The following VEPH1 variants were observed in gnomAD, a reference collection of about 807,000 sequenced individuals.
VEPH1 encodes the protein ventricular zone expressed PH domain containing 1.
In VEPH1, 80 loss-of-function variants were observed where a neutral mutation model predicts 85.2. The ratio of observed to expected loss-of-function variants is 0.94; its 90% confidence interval spans 0.78 to 1.13. The LOEUF (loss-of-function observed/expected upper bound fraction) is 1.13. Among genes scored for constraint, VEPH1 ranks in the 50% most tolerant of loss-of-function variants. The pLI, the probability that VEPH1 is intolerant of heterozygous loss-of-function variation, is 0.00. For synonymous variants in VEPH1, 297 were observed against 348.0 expected (o/e 0.85, Z 1.63); for missense variants, 955 against 980.5 (o/e 0.97, Z 0.35).
At chr3:157,503,132 T>G (rs908013113) in intron 1 of VEPH1, 145 bp downstream of exon 1, 6 of 152,190 alleles carry the variant, frequency 3.9e-5, no homozygotes, top group African/African-American at 9.7e-5. Context: ...CAAATGTGCT[T>G]TATCTGCATA....
At position 157,491,927 on chromosome 3, in the gene VEPH1, G is replaced by A. The variant is rs146136139; in HGVS notation, c.138+3285C>T. Among the ~76,000 whole-genome samples the A allele has an allele frequency of 3.3e-5, 5 of 152,290 alleles. No homozygotes were observed. In the East Asian group the frequency reaches 9.6e-4, roughly 29 times the overall value. On this transcript the variant is annotated intron_variant, in intron 2 of 13. Coordinates refer to ENST00000362010, the MANE Select transcript of VEPH1 (RefSeq NM_001167912.2). The stretch of plus-strand genomic sequence containing the variant: ...AGTAGTTGTTCTAAGCAATTGGTCT[G>A]AGTATTGGGCAATGATAAATTACAA...
chr3:157,400,942 C>T lies in VEPH1; in HGVS notation c.906+12939G>A, dbSNP rs117850766. On this transcript the variant is annotated intron_variant, in intron 6 of 13. Coordinates refer to ENST00000362010, the MANE Select transcript of VEPH1 (RefSeq NM_001167912.2). Reference sequence around the variant, plus strand: ...ACCCAGAATGAATTATACTTAGCCACATTTTCTTCTCCCACCATGCCATAG... The same window carrying T: ...ACCCAGAATGAATTATACTTAGCCATATTTTCTTCTCCCACCATGCCATAG... Among the ~76,000 whole-genome samples, 458 of 152,214 alleles carry T rather than the reference C, an allele frequency of 3.0e-3. 9 individuals are homozygous for T. The East Asian group carries it at 0.044, about 15-fold the overall frequency.
At chr3:157,442,946 C>A (rs576670615) in intron 4 of VEPH1, 1 of 1,613,182 alleles carries the variant, frequency 6.2e-7, no homozygotes, top group Non-Finnish European at 8.5e-7. Context: ...TCACAGAGAT[C>A]CAGCCACATG....
intron 9 of VEPH1, among the ~76,000 whole-genome samples, chr3:157,317,444 A>AT (rs1277959386): frequency 6.6e-6 from 1 of 152,168 alleles, no homozygotes; most frequent in Non-Finnish European, 1.5e-5. Flanking sequence ...AGCAACTCCC[A>AT]TGGGGGGAAA....
intron 6 of VEPH1, among the ~76,000 whole-genome samples, chr3:157,408,596 T>C (rs1731308351): frequency 6.6e-6 from 1 of 152,050 alleles, no homozygotes; most frequent in Non-Finnish European, 1.5e-5. Flanking sequence ...AACCTGCAAA[T>C]TGCAACACGA....
chr3:157,282,886 A>C (rs1418527483), intron 12 of VEPH1, among the ~76,000 whole-genome samples: 1 of 152,228 alleles, frequency 6.6e-6, no homozygotes, highest in Non-Finnish European at 1.5e-5. Context: ...TCTGCAATAA[A>C]CACCACCAGG....
At chr3:157,354,634 A>G (rs984171573) in intron 9 of VEPH1, among the ~76,000 whole-genome samples, 1 of 151,336 alleles carries the variant, frequency 6.6e-6, no homozygotes, top group Admixed American at 6.6e-5. Context: ...CCCCCCTCCA[A>G]CTTGTTTTGT....
intron 7 of VEPH1, among the ~76,000 whole-genome samples, chr3:157,372,217 T>G (rs1204715739): frequency 6.6e-6 from 1 of 152,296 alleles, no homozygotes; most frequent in Non-Finnish European, 1.5e-5. Context: ...TTGATACATC[T>G]TCTCATAGTC....
intron 4 of VEPH1, chr3:157,438,008 G>T: frequency 7.2e-7 from 1 of 1,380,266 alleles, no homozygotes; most frequent in Non-Finnish European, 9.6e-7. Context: ...TCTAGGGGAA[G>T]CTTTCATGGG....
At chr3:157,417,926 A>G (rs1732043274) in intron 5 of VEPH1, among the ~76,000 whole-genome samples, 1 of 152,058 alleles carries the variant, frequency 6.6e-6, no homozygotes, top group South Asian at 2.1e-4. Context: ...CTCAGCCCCC[A>G]TTCCTTGCCC....
chr3:157,311,099 T>C (rs1720061011), intron 11 of VEPH1, among the ~76,000 whole-genome samples: 1 of 152,248 alleles, frequency 6.6e-6, no homozygotes, highest in African/African-American at 2.4e-5. Context: ...GCCAAGCACC[T>C]TGTAGCTCTG....
At chr3:157,357,418 C>T (rs1247812148) in intron 9 of VEPH1, among the ~76,000 whole-genome samples, 2 of 152,098 alleles carry the variant, frequency 1.3e-5, no homozygotes, top group African/African-American at 4.8e-5. Flanking sequence ...ATATTCATCT[C>T]ATCTGTAGAT....
In VEPH1 at chr3:157,470,314, C is replaced by G. The variant is rs2109460175; in HGVS notation, c.354G>C (p.Gln118His). 3 of 1,613,950 alleles carry G rather than the reference C, an allele frequency of 1.9e-6. No homozygotes were observed. Among genetic ancestry groups the G allele is most frequent in the East Asian group, 2.2e-5 (1 of 44,878 alleles). The change falls in exon 3 of 14, where the codon CAG (glutamine) becomes CAC (histidine). Residue 118 changes from glutamine (Q) to histidine (H), a missense_variant and splice_region_variant. By Grantham distance (24) the Gln-to-His change is conservative (BLOSUM62 0). Coordinates refer to ENST00000362010, the MANE Select transcript of VEPH1 (RefSeq NM_001167912.2). The stretch of plus-strand genomic sequence containing the variant: ...AGCCTGATGTTGAACACTGACATAC[C>G]TGTAAAATGCAACTCATGATATCAG... ...IASDIMSCIL[Q>H]NYNRPPVMAL...
chr3:157,326,466 G>T (rs1721918903), intron 9 of VEPH1, among the ~76,000 whole-genome samples: 1 of 152,138 alleles, frequency 6.6e-6, no homozygotes, highest in Non-Finnish European at 1.5e-5. Context: ...TTGCAAGTGA[G>T]GCTTTTGTCT....
intron 6 of VEPH1, among the ~76,000 whole-genome samples, chr3:157,396,712 G>A (rs139900590): frequency 0.013 from 1,976 of 151,954 alleles, 37 homozygotes; most frequent in African/African-American, 0.044. Flanking sequence ...GCTTTTTTTC[G>A]TATGTTTGTT....
intron 12 of VEPH1, among the ~76,000 whole-genome samples, chr3:157,284,038 A>G (rs898327141): frequency 2.6e-5 from 4 of 152,180 alleles, no homozygotes; most frequent in African/African-American, 9.7e-5. Context: ...AAGCCTTTAC[A>G]AGCGGTGACT....
chr3:157,287,379 A>AAT lies in VEPH1; in HGVS notation c.2011-707_2011-706dup, dbSNP rs1202876261. ...GACAGAGTGAGACCCTGTCTCAAAA[A>AAT]ATATATATATATATAATATTTATTA... On this transcript the variant is annotated intron_variant, in intron 11 of 13. Transcript: ENST00000362010. 5.6e-3 allele frequency among the ~76,000 whole-genome samples: 834 copies of AAT among 149,660 alleles called. 9 individuals are homozygous for AAT. The highest frequency in any genetic ancestry group is 0.019 in the African/African-American group (778 of 40,708).
chr3:157,460,030 T>C (rs909566158), intron 4 of VEPH1, 151 bp downstream of exon 4: 1 of 1,567,338 alleles, frequency 6.4e-7, no homozygotes, highest in South Asian at 1.1e-5. Context: ...AGTAACCTTT[T>C]GCATGTTCAC....
intron 5 of VEPH1, among the ~76,000 whole-genome samples, chr3:157,427,149 A>G (rs1407539917): frequency 1.3e-5 from 2 of 151,616 alleles, no homozygotes; most frequent in Non-Finnish European, 2.9e-5. Context: ...CACCATGCCC[A>G]GCTAGCTTTT....
Sources: gnomAD v4.1 joint callset for allele counts (sites outside exome capture counted in the v4.1 genomes callset) on GRCh38, gnomAD v4.1.1 for gene constraint, MANE v1.5 for transcripts, NCBI Gene and HGNC (gene_info 2026-07-23, HGNC 2026-07-21) for gene names.